Variants in MYO16 observed in about 807,000 individuals in gnomAD.
The protein encoded by MYO16 is myosin XVI, also known as unconventional myosin-XVI.
Under a neutral mutation model 205.3 loss-of-function variants are expected in MYO16, and 94 were observed. The observed-to-expected ratio is 0.46, with a 90% CI of 0.39 to 0.54. The LOEUF is 0.54. Ranked by LOEUF, MYO16 falls within the 20% of genes least tolerant of loss-of-function variation. MYO16 has a pLI of 0.00. For synonymous variants in MYO16, 988 were observed against 954.0 expected (o/e 1.04, Z -0.66); for missense variants, 2,315 against 2,387.5 (o/e 0.97, Z 0.63).
intron 2 of MYO16, among the ~76,000 whole-genome samples, chr13:108,676,579 G>A (rs560804904): frequency 1.1e-4 from 17 of 152,306 alleles, no homozygotes; most frequent in African/African-American, 4.1e-4. Flanking sequence ...CAGGATCAGG[G>A]TGGGTCCCCA....
intron 12 of MYO16, among the ~76,000 whole-genome samples, chr13:108,869,075 C>T (rs2139131768): frequency 6.6e-6 from 1 of 152,242 alleles, no homozygotes; most frequent in Admixed American, 6.5e-5. Context: ...CACCTTTGGT[C>T]TTCAAATTTG....
chr13:108,756,229 A>G (rs767418796), intron 4 of MYO16, among the ~76,000 whole-genome samples: 1 of 151,658 alleles, frequency 6.6e-6, no homozygotes, highest in Non-Finnish European at 1.5e-5. Context: ...GTAGAAAAAA[A>G]TGCTCTTTAA....
At chr13:109,023,361 T>A (rs1478014361) in intron 23 of MYO16, among the ~76,000 whole-genome samples, 17 of 72,090 alleles carry the variant, frequency 2.4e-4, no homozygotes, top group African/African-American at 8.9e-4. Flanking sequence ...TATACAGATA[T>A]AAATATATAT....
In MYO16 at chr13:109,113,454, G is replaced by A. The variant is rs1397658177; in HGVS notation, c.3439-6916G>A. Among the ~76,000 whole-genome samples, 4 of 152,194 alleles carry A rather than the reference G, an allele frequency of 2.6e-5. No individual in the cohort carries two copies. The East Asian group carries it at 5.8e-4, about 22-fold the overall frequency. ...GAACATCATCCTGAAAATCATTACA[G>A]GCCACTAAATAATTTTAGACAAGAA... On this transcript the variant is annotated intron_variant, in intron 28 of 34. Coordinates refer to ENST00000457511, the MANE Select transcript of MYO16 (RefSeq NM_001198950.3).
intron 12 of MYO16, among the ~76,000 whole-genome samples, chr13:108,882,195 C>A (rs1253566273): frequency 1.3e-5 from 2 of 152,212 alleles, no homozygotes; most frequent in African/African-American, 4.8e-5. Flanking sequence ...TCCTGTGTAA[C>A]CTCCCTACAG....
chr13:109,000,378 G>A (rs1291617474), intron 21 of MYO16, among the ~76,000 whole-genome samples: 1 of 152,146 alleles, frequency 6.6e-6, no homozygotes, highest in African/African-American at 2.4e-5. Flanking sequence ...GTTTTATGAG[G>A]CCCAGTGGGA....
chr13:109,199,603 T>C (rs1375372904), intron 34 of MYO16, among the ~76,000 whole-genome samples: 2 of 152,178 alleles, frequency 1.3e-5, no homozygotes, highest in Admixed American at 1.3e-4. Flanking sequence ...GATACCACTA[T>C]GGCATCCTTT....
At chr13:108,820,704 A>G (rs507415) in intron 8 of MYO16, among the ~76,000 whole-genome samples, 138,192 of 152,186 alleles carry the variant, frequency 0.91, 64,253 homozygotes, top group East Asian at 1. Context: ...TGATTCATTC[A>G]GTGTAACGTA....
At chr13:109,116,373 T>G (rs1312408186) in intron 28 of MYO16, among the ~76,000 whole-genome samples, 6 of 152,078 alleles carry the variant, frequency 3.9e-5, no homozygotes, top group Non-Finnish European at 8.8e-5. Context: ...GGAGGACAGA[T>G]CCACCCTTCC....
At chr13:108,664,390 T>C (rs889315186) in intron 1 of MYO16, among the ~76,000 whole-genome samples, 2 of 152,188 alleles carry the variant, frequency 1.3e-5, no homozygotes, top group Non-Finnish European at 2.9e-5. Context: ...TCTTTAACCT[T>C]AGACAAGTCA....
At chr13:109,161,364 G>A (rs552511435) in intron 32 of MYO16, among the ~76,000 whole-genome samples, 1 of 152,204 alleles carries the variant, frequency 6.6e-6, no homozygotes, top group African/African-American at 2.4e-5. Context: ...ACTGTGTGGG[G>A]ACTGCTGAGC....
intron 23 of MYO16, among the ~76,000 whole-genome samples, 191 bp from the exon 24 acceptor site, chr13:109,046,725 T>C (rs775689760): frequency 3.3e-5 from 5 of 152,340 alleles, no homozygotes; most frequent in Non-Finnish European, 7.4e-5. Context: ...GAGGGTTCCC[T>C]TGTTTAATGT....
chr13:109,141,009 G>GCCCCCT lies in MYO16; in HGVS notation c.4802_4803insTCCCCC (p.Pro1601_Pro1602dup). 1 of 1,291,764 alleles carries GCCCCCT rather than the reference G, an allele frequency of 7.7e-7. No individual in the cohort carries two copies. The highest frequency in any genetic ancestry group is 9.8e-7 in the Non-Finnish European group (1 of 1,015,820). 80.0% of individuals were successfully genotyped at this position (1,291,764 alleles called of 1,614,324 possible). A position where few individuals can be genotyped will look rare whatever the true frequency, so the allele number is the denominator to read the frequency against. On this transcript the variant is annotated inframe_insertion, in exon 32 of 35. Coordinates refer to ENST00000457511, the MANE Select transcript of MYO16 (RefSeq NM_001198950.3). The surrounding 1 kb of genome is among the most constrained non-coding windows in gnomAD (Gnocchi z 4.1). ...CGCCGTCCACGCCGCCCCCGCCCCC[G>GCCCCCT]CCCCCGCCCGGGCCGCCCCCCGCGC...
At chr13:109,012,871 G>A (rs1885650512) in intron 22 of MYO16, among the ~76,000 whole-genome samples, 1 of 151,036 alleles carries the variant, frequency 6.6e-6, no homozygotes, top group East Asian at 1.9e-4. Context: ...ATAAGTCATA[G>A]CTTCAAACTT....
At chr13:109,128,768 GTT>G (rs1172405612) in intron 31 of MYO16, among the ~76,000 whole-genome samples, 5 of 115,004 alleles carry the variant, frequency 4.3e-5, no homozygotes, top group Admixed American at 9.0e-5. Context: ...CACTTTTTTA[GTT>G]TTTTTTTTTT....
intron 4 of MYO16, among the ~76,000 whole-genome samples, chr13:108,747,275 C>T (rs9555501): frequency 0.031 from 4,642 of 151,842 alleles, 218 homozygotes; most frequent in East Asian, 0.21. Flanking sequence ...ACATGACTTT[C>T]GTTTTTCTTA....
At chr13:108,723,696 C>T (rs1207240818) in intron 3 of MYO16, among the ~76,000 whole-genome samples, 1 of 152,162 alleles carries the variant, frequency 6.6e-6, no homozygotes, top group East Asian at 1.9e-4. Flanking sequence ...TTTATGCCAA[C>T]ACCACACTGC....
chr13:108,587,632 A>G, the MYO16 span, among the ~76,000 whole-genome samples: 270 of 152,312 alleles, frequency 1.8e-3, no homozygotes, highest in African/African-American at 6.3e-3. Flanking sequence ...TGAAGTTAGC[A>G]TCTGCTCATT....
At chr13:108,619,332 C>T (rs1879456673) in intron 1 of MYO16, among the ~76,000 whole-genome samples, 1 of 152,168 alleles carries the variant, frequency 6.6e-6, no homozygotes, top group South Asian at 2.1e-4. Flanking sequence ...TTAGCTACTT[C>T]ACGAGACTCT....
Sources: gnomAD v4.1 joint callset for allele counts (sites outside exome capture counted in the v4.1 genomes callset) on GRCh38, gnomAD v4.1.1 for gene constraint, Gnocchi (gnomAD v3.1) non-coding constraint, MANE v1.5 for transcripts, NCBI Gene and HGNC (gene_info 2026-07-23, HGNC 2026-07-21) for gene names.